The following MTRR variants were observed in gnomAD, a reference collection of about 807,000 sequenced individuals.
MTRR encodes the protein 5-methyltetrahydrofolate-homocysteine methyltransferase reductase, also known as methionine synthase reductase.
Under a neutral mutation model 79.2 loss-of-function variants are expected in MTRR, and 63 were observed. The ratio of observed to expected loss-of-function variants is 0.80; its 90% CI spans 0.65 to 0.98. The LOEUF (loss-of-function observed/expected upper bound fraction) is 0.98, where lower values mean the gene tolerates loss of function less well. Among genes scored for constraint, MTRR ranks in the 50% least tolerant of loss-of-function variants. MTRR has a pLI of 0.00. For missense variants in MTRR, 895 were observed against 839.6 expected (o/e 1.07, Z -0.82); for synonymous variants, 355 against 313.3 (o/e 1.13, Z -1.41).
intron 5 of MTRR, 118 bp downstream of exon 5, chr5:7,878,440 G>A: frequency 1.5e-6 from 2 of 1,300,380 alleles, no homozygotes; most frequent in Non-Finnish European, 2.2e-6. Flanking sequence ...CTGGCCCAAT[G>A]TGGCCCAGAG....
intron 1 of MTRR, among the ~76,000 whole-genome samples, chr5:7,852,351 C>T (rs1240857570): frequency 6.6e-6 from 1 of 152,148 alleles, no homozygotes; most frequent in Non-Finnish European, 1.5e-5. Context: ...GGATTTAAGA[C>T]ATCCCGGTGC....
At chr5:7,899,128 AC>A (rs1386202383) in intron 14 of MTRR, among the ~76,000 whole-genome samples, 3 of 152,088 alleles carry the variant, frequency 2.0e-5, no homozygotes. Context: ...CTCACTCATT[AC>A]AGCGAGCATA....
chr5:7,868,097 C>A, upstream of MTRR: 1 of 1,499,132 alleles, frequency 6.7e-7, no homozygotes, highest in South Asian at 1.2e-5. Context: ...ATCAGATTCT[C>A]AATTTGATAA....
At chr5:7,892,582 T>C (rs1737785637) in intron 10 of MTRR, 145 bp from the exon 11 acceptor site, 1 of 883,440 alleles carries the variant, frequency 1.1e-6, no homozygotes, top group Non-Finnish European at 1.8e-6. Context: ...TTTAATTACG[T>C]AATAATGGCT....
chr5:7,855,817 G>A (rs924528148), intron 1 of MTRR, among the ~76,000 whole-genome samples: 1 of 152,202 alleles, frequency 6.6e-6, no homozygotes, highest in Non-Finnish European at 1.5e-5. Flanking sequence ...CGGAGACTGT[G>A]GGAGTGGGAG....
At chr5:7,870,155 G>T in intron 1 of MTRR, 1 of 790,866 alleles carries the variant, frequency 1.3e-6, no homozygotes, top group Non-Finnish European at 1.5e-6. Flanking sequence ...ATATGCACCC[G>T]TTTGTATATA....
chr5:7,883,005 C>G lies in MTRR; in HGVS notation c.781-150C>G, dbSNP rs1394044772. 19 of 919,342 alleles carry G rather than the reference C, an allele frequency of 2.1e-5. No individual in the cohort carries two copies. The Admixed American group carries it at 3.6e-4, about 17-fold the overall frequency. 56.9% of individuals were successfully genotyped at this position (919,342 alleles called of 1,614,324 possible). ...GAGCTTCTCTTCTGAAAAGCTAGCT[C>G]CATATATCTGCCCTCATTCATTTAC... On this transcript the variant is annotated intron_variant, in intron 5 of 14. Coordinates refer to ENST00000440940, the MANE Select transcript of MTRR (RefSeq NM_002454.3).
chr5:7,893,224 T>G (rs1183129555), intron 11 of MTRR: 2 of 384,234 alleles, frequency 5.2e-6, no homozygotes, highest in South Asian at 2.4e-5. Context: ...GGTGGAGAAC[T>G]GTCTAGGAAG....
intron 8 of MTRR, among the ~76,000 whole-genome samples, chr5:7,887,794 ATATATAT>A: frequency 1.1e-4 from 1 of 9,266 alleles, no homozygotes; most frequent in Non-Finnish European, 2.5e-4. Context: ...GTGTGTGTGC[ATATATAT>A]ATATATATAT....
At chr5:7,854,378 G>A (rs1418122912) in intron 1 of MTRR, among the ~76,000 whole-genome samples, 2 of 151,602 alleles carry the variant, frequency 1.3e-5, no homozygotes, top group Non-Finnish European at 2.9e-5. Context: ...TTTTTTATAT[G>A]GGAGTTTATT....
chr5:7,891,467 C>G, intron 10 of MTRR, 53 bp downstream of exon 10: 1 of 1,329,314 alleles, frequency 7.5e-7, no homozygotes, highest in Non-Finnish European at 1.0e-6. Context: ...AAATCTTAGA[C>G]TCAGGCTTCC....
At chr5:7,898,317 A>G (rs1280761468) in intron 14 of MTRR, among the ~76,000 whole-genome samples, 2 of 152,216 alleles carry the variant, frequency 1.3e-5, no homozygotes, top group East Asian at 3.8e-4. Context: ...TAGTAGAGGC[A>G]GAGTTCATTG....
chr5:7,858,858 C>T, intron 1 of MTRR, among the ~76,000 whole-genome samples: 1 of 151,014 alleles, frequency 6.6e-6, no homozygotes, highest in East Asian at 2.1e-4. Flanking sequence ...TTTAGAAGAT[C>T]CTCCCTCCAA....
chr5:7,851,062 C>G (rs1746065567), upstream of MTRR: 2 of 1,236,044 alleles, frequency 1.6e-6, no homozygotes, highest in Non-Finnish European at 2.0e-6. Context: ...CGCGGTCCGT[C>G]CCGCCCGCCC....
chr5:7,875,200 C>G lies in MTRR; in HGVS notation c.284-58C>G, dbSNP rs566780515. On this transcript the variant is annotated intron_variant, in intron 3 of 14. Transcript: ENST00000440940. ...ATTTTAGATATTTTATTTACCTAGT[C>G]TTTGTGTCCTTAAATTTAAACTTTA... 43 of 1,141,018 alleles carry G rather than the reference C, an allele frequency of 3.8e-5. No individual in the cohort carries two copies. In the Admixed American group the frequency reaches 4.7e-4, roughly 13 times the overall value. 70.7% of individuals were successfully genotyped at this position (1,141,018 alleles called of 1,614,324 possible).
chr5:7,897,033 C>G, intron 13 of MTRR, 32 bp from the exon 14 acceptor site: 2 of 1,612,934 alleles, frequency 1.2e-6, no homozygotes, highest in Non-Finnish European at 1.7e-6. Flanking sequence ...GCTTGACAAC[C>G]TTTTAGTGAT....
chr5:7,871,102 T>C (rs2126647654), intron 2 of MTRR, among the ~76,000 whole-genome samples, 179 bp downstream of exon 2: 1 of 152,212 alleles, frequency 6.6e-6, no homozygotes, highest in African/African-American at 2.4e-5. Context: ...TAGAAGTGTG[T>C]AGTTGAATTA....
At position 7,860,724 on chromosome 5, in the gene MTRR, GC is replaced by G. The variant is rs537005213; in HGVS notation, n.392-1225del. Among the ~76,000 whole-genome samples the G allele has an allele frequency of 5.9e-5, 9 of 152,320 alleles. No homozygotes were observed. In the East Asian group the frequency reaches 1.7e-3, roughly 29 times the overall value. On this transcript the variant is annotated intron_variant and non_coding_transcript_variant, in intron 1 of 3. Transcript: ENST00000502509. The stretch of plus-strand genomic sequence containing the variant: ...TCCCTGAGCAGACCAAGCCAGTTGG[GC>G]CTTGAAAATAACCTTAACTTTGCTT...
In MTRR at chr5:7,886,635, A is replaced by C; in HGVS notation, c.1078A>C (p.Ile360Leu). ...AAAAGGAGCTACCTTACCCCAGCAT[A>C]TACCTGCGGGATGTTCTCTCCAGTT... is the stretch of plus-strand genomic sequence containing the variant. ...KKKGATLPQH[I>L]PAGCSLQFIF... Residue 360 changes from isoleucine (I) to leucine (L), a missense_variant, in exon 8 of 15, where the codon ATA becomes CTA. Ile to Leu is a conservative substitution (Grantham distance 5). Coordinates refer to ENST00000440940, the MANE Select transcript of MTRR (RefSeq NM_002454.3). The C allele has an allele frequency of 1.9e-6, 3 of 1,613,764 alleles. No individual in the cohort carries two copies. The highest frequency in any genetic ancestry group is 2.5e-6 in the Non-Finnish European group (3 of 1,179,696).
Sources: allele counts gnomAD v4.1 joint callset (sites outside exome capture counted in the v4.1 genomes callset), GRCh38; gene constraint gnomAD v4.1.1; transcripts MANE v1.5; gene names NCBI Gene and HGNC (gene_info 2026-07-23, HGNC 2026-07-21).